LSM6: variants seen among roughly 807,000 people sequenced by gnomAD.
The protein encoded by LSM6 is U6 snRNA-associated Sm-like protein LSm6.
Under a neutral mutation model 13.5 loss-of-function variants are expected in LSM6, and 2 were observed. The ratio of observed to expected loss-of-function variants is 0.15; its 90% CI spans 0.06 to 0.47. The LOEUF (loss-of-function observed/expected upper bound fraction) is 0.47. Among genes scored for constraint, LSM6 ranks in the 20% least tolerant of loss-of-function variants. LSM6 has a pLI of 0.97. For missense variants in LSM6, 58 were observed against 96.4 expected (o/e 0.60, Z 1.67); for synonymous variants, 43 against 34.9 (o/e 1.23, Z -0.82).
intron 3 of LSM6, 23 bp from the exon 4 acceptor site, chr4:146,189,599 T>A (rs780891668): frequency 7.1e-6 from 11 of 1,539,746 alleles, no homozygotes; most frequent in Non-Finnish European, 9.8e-6. Flanking sequence ...TAAATTTCAA[T>A]TTATGTATTT....
rs1361101965 is a variant in LSM6 at position 146,187,224 on chromosome 4, C to T, written c.95-50C>T. 3 of 1,005,268 alleles carry T rather than the reference C, an allele frequency of 3.0e-6. No homozygotes were observed. The Admixed American group carries it at 5.4e-5, about 18-fold the overall frequency. 62.3% of individuals were successfully genotyped at this position (1,005,268 alleles called of 1,614,324 possible). A position where few individuals can be genotyped will look rare whatever the true frequency, so the allele number is the denominator to read the frequency against. On this transcript the variant is annotated intron_variant, in intron 2 of 3. Coordinates refer to ENST00000296581, the MANE Select transcript of LSM6 (RefSeq NM_007080.3). Reference sequence around the variant, plus strand: ...GCTCTAAGGTATACCCTGTAATTTTCAACTCTTATTTGCCTTGTGTATCTT... The same window carrying T: ...GCTCTAAGGTATACCCTGTAATTTTTAACTCTTATTTGCCTTGTGTATCTT...
At chr4:146,180,411 A>G (rs1207200716) in intron 1 of LSM6, among the ~76,000 whole-genome samples, 1 of 152,246 alleles carries the variant, frequency 6.6e-6, no homozygotes, top group Non-Finnish European at 1.5e-5. Context: ...CAGATAAAGC[A>G]TAATGGACAA....
intron 2 of LSM6, among the ~76,000 whole-genome samples, chr4:146,186,561 A>G (rs1415745083): frequency 6.6e-6 from 1 of 152,254 alleles, no homozygotes; most frequent in Admixed American, 6.5e-5. Flanking sequence ...GATTGACTCA[A>G]ACTGTTTCCT....
At chr4:146,187,880 A>G (rs1345626972) in intron 3 of LSM6, among the ~76,000 whole-genome samples, 1 of 152,248 alleles carries the variant, frequency 6.6e-6, no homozygotes, top group Non-Finnish European at 1.5e-5. Flanking sequence ...TTAACAACTA[A>G]TAAATTGCTA....
chr4:146,185,666 T>C (rs1302430139), intron 2 of LSM6, among the ~76,000 whole-genome samples: 1 of 118,778 alleles, frequency 8.4e-6, no homozygotes, highest in Non-Finnish European at 1.8e-5. Flanking sequence ...TTGTTGCTTG[T>C]TTGTTTGTTT....
At position 146,183,000 on chromosome 4, in the gene LSM6, G is replaced by A; in HGVS notation, c.79G>A (p.Gly27Arg). The part of the protein sequence containing the change: ...GRPVVVKLNS[G>R]VDYRGVLACL... ...ACCAGTTGTGGTAAAATTAAATTCT[G>A]GAGTGGATTATCGAGGTAATATTTT... The change falls in exon 2 of 4, where the codon GGA becomes AGA. Residue 27 changes from glycine to arginine, a missense_variant. By Grantham distance (125) the Gly-to-Arg change is moderately radical (BLOSUM62 -2). Transcript: ENST00000296581. The A allele has an allele frequency of 6.2e-7, 1 of 1,610,454 alleles. No individual in the cohort carries two copies. Among genetic ancestry groups the A allele is most frequent in the Admixed American group, 1.7e-5 (1 of 59,998 alleles).
intron 2 of LSM6, 78 bp downstream of exon 2, chr4:146,183,093 A>G: frequency 4.6e-6 from 5 of 1,081,534 alleles, no homozygotes; most frequent in Non-Finnish European, 7.1e-6. Flanking sequence ...TAACCTCTTA[A>G]GTATACCCAA....
intron 2 of LSM6, among the ~76,000 whole-genome samples, chr4:146,186,001 T>C (rs914279792): frequency 6.6e-6 from 1 of 152,192 alleles, no homozygotes; most frequent in African/African-American, 2.4e-5. Context: ...CCTCCCAAAG[T>C]ACTGGGATTA....
Position 146,189,895 on chromosome 4 carries a change from T to C in LSM6, c.*239T>C. 2.5e-6 allele frequency: 1 copy of C among 405,054 alleles called. No individual in the cohort carries two copies. Among genetic ancestry groups the C allele is most frequent in the Non-Finnish European group, 4.4e-6 (1 of 229,586 alleles). 25.1% of individuals were successfully genotyped at this position (405,054 alleles called of 1,614,324 possible). A position where few individuals can be genotyped will look rare whatever the true frequency, so the allele number is the denominator to read the frequency against. On this transcript the variant is annotated 3_prime_UTR_variant, in exon 4 of 4. Transcript: ENST00000296581. ...TCAGTGTACAGAATGCTAAAATAAT[T>C]AAAAAAAGACAAAATATACCTCTTC... is the stretch of plus-strand genomic sequence containing the variant.
intron 3 of LSM6, 94 bp downstream of exon 3, chr4:146,187,481 C>A (rs1560713874): frequency 2.8e-6 from 2 of 702,670 alleles, no homozygotes; most frequent in Non-Finnish European, 4.7e-6. Context: ...ATTTAAAAGT[C>A]CACTTTTAGG....
chr4:146,187,256 G>T lies in LSM6; in HGVS notation c.95-18G>T. The T allele has an allele frequency of 1.4e-6, 2 of 1,455,340 alleles. No individual in the cohort carries two copies. Among genetic ancestry groups the T allele is most frequent in the South Asian group, 2.3e-5 (2 of 87,124 alleles). The allele number at this position is 1,455,340 out of a possible 1,614,324, so 90.2% of individuals were successfully genotyped here. On this transcript the variant is annotated intron_variant, in intron 2 of 3. Transcript: ENST00000296581. ...TATTTGCCTTGTGTATCTTCTTTTT[G>T]ACTAAATATGTCTGCAGGGGTCCTG...
chr4:146,187,035 A>G (rs1730365315), intron 2 of LSM6, among the ~76,000 whole-genome samples: 2 of 152,194 alleles, frequency 1.3e-5, no homozygotes, highest in South Asian at 4.1e-4. Flanking sequence ...CCATGAGGGA[A>G]GTGACAGTTT....
In LSM6 at chr4:146,175,727, GGC is replaced by G. The variant is rs796775979; in HGVS notation, c.-92_-91del. Reference sequence around the variant, plus strand: ...TGAGGCAGAAAAGTGCCCCTGCCTCGGCGCTTTCGGTTTTGGCTGGGATCATC... The same window carrying G: ...TGAGGCAGAAAAGTGCCCCTGCCTCGGCTTTCGGTTTTGGCTGGGATCATC... On this transcript the variant is annotated 5_prime_UTR_variant, in exon 1 of 4. Coordinates refer to ENST00000296581, the MANE Select transcript of LSM6 (RefSeq NM_007080.3). 1.7e-4 allele frequency: 26 copies of G among 152,420 alleles called. No individual in the cohort carries two copies. Among genetic ancestry groups the G allele is most frequent in the African/African-American group, 6.0e-4 (25 of 41,570 alleles). 9.4% of individuals were successfully genotyped at this position (152,420 alleles called of 1,614,324 possible). A position where few individuals can be genotyped will look rare whatever the true frequency, so the allele number is the denominator to read the frequency against.
intron 2 of LSM6, among the ~76,000 whole-genome samples, chr4:146,185,065 A>G (rs1483014465): frequency 1.3e-5 from 2 of 152,182 alleles, no homozygotes; most frequent in Non-Finnish European, 1.5e-5. Flanking sequence ...TTTCCTATTA[A>G]TGGACATTTA....
Position 146,189,887 on chromosome 4 carries a change from A to G in LSM6, c.*231A>G. ...CCTCGTTGTCAGTGTACAGAATGCT[A>G]AAATAATTAAAAAAAGACAAAATAT... On this transcript the variant is annotated 3_prime_UTR_variant, in exon 4 of 4. Transcript: ENST00000296581. 2.4e-6 allele frequency: 1 copy of G among 414,338 alleles called. No individual in the cohort carries two copies. The highest frequency in any genetic ancestry group is 5.5e-5 in the South Asian group (1 of 18,046). 25.7% of individuals were successfully genotyped at this position (414,338 alleles called of 1,614,324 possible). A position where few individuals can be genotyped will look rare whatever the true frequency, so the allele number is the denominator to read the frequency against.
chr4:146,187,213 C>T, intron 2 of LSM6, 61 bp from the exon 3 acceptor site: 3 of 846,392 alleles, frequency 3.5e-6, no homozygotes, highest in Non-Finnish European at 6.1e-6. Context: ...TAAGGTATAC[C>T]CTGTAATTTT....
intron 1 of LSM6, among the ~76,000 whole-genome samples, chr4:146,177,091 G>A (rs1386766613): frequency 6.6e-6 from 1 of 152,074 alleles, no homozygotes; most frequent in Non-Finnish European, 1.5e-5. Flanking sequence ...GTTAGGGCAG[G>A]AAGAGACTTA....
intron 2 of LSM6, among the ~76,000 whole-genome samples, chr4:146,186,581 C>T (rs1578681362): frequency 6.6e-6 from 1 of 152,066 alleles, no homozygotes; most frequent in Non-Finnish European, 1.5e-5. Flanking sequence ...TTGAAAGCTC[C>T]CTCGAATGTT....
At chr4:146,185,968 C>T (rs939919334) in intron 2 of LSM6, among the ~76,000 whole-genome samples, 7 of 152,136 alleles carry the variant, frequency 4.6e-5, no homozygotes, top group African/African-American at 1.7e-4. Context: ...AACTCCTGAC[C>T]TCAAGTGATC....
Sources: allele counts gnomAD v4.1 joint callset (sites outside exome capture counted in the v4.1 genomes callset), GRCh38; gene constraint gnomAD v4.1.1; transcripts MANE v1.5; gene names NCBI Gene and HGNC (gene_info 2026-07-23, HGNC 2026-07-21).